CCDC149: variants seen among roughly 807,000 people sequenced by gnomAD.
CCDC149 encodes the protein coiled-coil domain-containing protein 149.
A neutral mutation model predicts 59.9 loss-of-function variants in CCDC149; 45 were observed. The observed-to-expected ratio is 0.75, with a 90% CI of 0.59 to 0.96. CCDC149 has a LOEUF of 0.96. CCDC149 is among the 40% of genes least tolerant of loss of function. The probability of loss-of-function intolerance (pLI) is 0.00; values close to 1 mark genes in which losing one functional copy is unlikely to be tolerated. For synonymous variants in CCDC149, 245 were observed against 260.6 expected (o/e 0.94, Z 0.58); for missense variants, 584 against 664.7 (o/e 0.88, Z 1.33).
At chr4:24,978,947 C>G (rs1238546088) in intron 1 of CCDC149, among the ~76,000 whole-genome samples, 1 of 151,762 alleles carries the variant, frequency 6.6e-6, no homozygotes, top group Non-Finnish European at 1.5e-5. Context: ...AAGCGGTGCA[C>G]TTTGTTCTTA....
At chr4:24,979,484 T>G (rs949473889) in intron 1 of CCDC149, among the ~76,000 whole-genome samples, 2 of 152,222 alleles carry the variant, frequency 1.3e-5, no homozygotes, top group African/African-American at 4.8e-5. Context: ...GATCAAGCCT[T>G]ACTTGAAGCC....
chr4:24,822,893 G>A (rs1715503788), intron 9 of CCDC149: 1 of 197,580 alleles, frequency 5.1e-6, no homozygotes. Flanking sequence ...TTTGAGAAAT[G>A]CTCACTGCAA....
chr4:24,977,751 G>A (rs895520642), intron 1 of CCDC149, among the ~76,000 whole-genome samples: 1 of 152,128 alleles, frequency 6.6e-6, no homozygotes, highest in Non-Finnish European at 1.5e-5. Flanking sequence ...CTGCCTGTTA[G>A]GAATATTGAC....
chr4:24,819,920 C>A lies in CCDC149; in HGVS notation c.1131G>T (p.Ser377=). The change falls in exon 12 of 13, where the codon TCG becomes TCT. Residue 377 remains serine, a synonymous_variant. Coordinates refer to ENST00000635206, the MANE Select transcript of CCDC149 (RefSeq NM_001330643.2). ...CGACAAACTTCAGCAGTGGGGATCT[C>A]GACCTCTGTCCACTAGGAAGAGTGG... 6.4e-7 allele frequency: 1 copy of A among 1,551,606 alleles called. No homozygotes were observed. The highest frequency in any genetic ancestry group is 8.7e-7 in the Non-Finnish European group (1 of 1,146,962).
Position 24,893,613 on chromosome 4 carries a change from C to CTTTTTTTTTTTTTT in CCDC149, c.64-16930_64-16917dup, listed in dbSNP as rs3066508. The stretch of plus-strand genomic sequence containing the variant: ...CTTCTAGCACAATCTAAAATACAGA[C>CTTTTTTTTTTTTTT]TTTTTTTTTTTTTTTTTTTTTGAGA... On this transcript the variant is annotated intron_variant, in intron 1 of 12. Transcript: ENST00000635206. Among the ~76,000 whole-genome samples, 115 of 65,872 alleles carry CTTTTTTTTTTTTTT rather than the reference C, an allele frequency of 1.7e-3. 26 individuals carry two copies. Among genetic ancestry groups the CTTTTTTTTTTTTTT allele is most frequent in the African/African-American group, 3.9e-3 (69 of 17,684 alleles). The allele number at this position is 65,872 out of a possible 152,430, so 43.2% of individuals were successfully genotyped here. A position where few individuals can be genotyped will look rare whatever the true frequency, so the allele number is the denominator to read the frequency against.
At chr4:24,918,107 T>C (rs1383201758) in intron 1 of CCDC149, among the ~76,000 whole-genome samples, 1 of 152,090 alleles carries the variant, frequency 6.6e-6, no homozygotes, top group Non-Finnish European at 1.5e-5. Flanking sequence ...TCCTATCTAA[T>C]TTTTGTCTTA....
At chr4:24,975,339 G>A (rs2109371477) in intron 1 of CCDC149, among the ~76,000 whole-genome samples, 1 of 144,702 alleles carries the variant, frequency 6.9e-6, no homozygotes, top group South Asian at 2.4e-4. Context: ...GGAGAAGGGG[G>A]AAGGAGAGGG....
At chr4:24,812,228 T>C (rs1178452082) in intron 12 of CCDC149, among the ~76,000 whole-genome samples, 2 of 152,236 alleles carry the variant, frequency 1.3e-5, no homozygotes, top group Non-Finnish European at 2.9e-5. Flanking sequence ...CCTGAAATCT[T>C]TGAGGGCCAA....
intron 3 of CCDC149, among the ~76,000 whole-genome samples, chr4:24,868,024 C>T (rs778287588): frequency 5.9e-5 from 9 of 152,198 alleles, no homozygotes; most frequent in Admixed American, 2.0e-4. Flanking sequence ...CAGTGCCTTC[C>T]GCTTATACAA....
intron 1 of CCDC149, among the ~76,000 whole-genome samples, chr4:24,970,473 C>A (rs1723927163): frequency 1.3e-5 from 2 of 152,154 alleles, no homozygotes; most frequent in South Asian, 4.1e-4. Flanking sequence ...GGGCTGGCTA[C>A]TGGGGGGACG....
chr4:24,897,260 G>A (rs1720898783), intron 1 of CCDC149, among the ~76,000 whole-genome samples: 1 of 152,206 alleles, frequency 6.6e-6, no homozygotes, highest in Non-Finnish European at 1.5e-5. Flanking sequence ...TGGGTGTGTG[G>A]CAGCATGCGC....
chr4:24,893,613 C>CTTATTTTTTTTTTT (rs1720656545), intron 1 of CCDC149, among the ~76,000 whole-genome samples: 1 of 65,878 alleles, frequency 1.5e-5, no homozygotes, highest in Non-Finnish European at 2.6e-5. Flanking sequence ...AAAATACAGA[C>CTTATTTTTTTTTTT]TTTTTTTTTT....
intron 4 of CCDC149, among the ~76,000 whole-genome samples, chr4:24,839,028 T>TCTCACA (rs1360482951): frequency 7.6e-6 from 1 of 132,022 alleles, no homozygotes; most frequent in African/African-American, 3.0e-5. Flanking sequence ...TCTCTCTCTC[T>TCTCACA]CACACACACA....
chr4:24,964,192 T>TAAAAAAAAAA (rs377278394), intron 1 of CCDC149, among the ~76,000 whole-genome samples: 12 of 119,178 alleles, frequency 1.0e-4, no homozygotes, highest in South Asian at 6.1e-4. Context: ...AGACCCTATC[T>TAAAAAAAAAA]AAAAAAAAAA....
At chr4:24,815,633 G>GT (rs1054450564) in intron 12 of CCDC149, among the ~76,000 whole-genome samples, 14 of 152,182 alleles carry the variant, frequency 9.2e-5, no homozygotes, top group African/African-American at 3.4e-4. Flanking sequence ...TCTGTGGTGT[G>GT]TTTTTACTGT....
chr4:24,917,450 G>A (rs140417380), upstream of CCDC149, among the ~76,000 whole-genome samples: 25 of 152,324 alleles, frequency 1.6e-4, no homozygotes, highest in East Asian at 2.9e-3. Context: ...TGGCTTGGGC[G>A]TTGTGGGAGA....
chr4:24,888,851 T>C (rs534680869), intron 1 of CCDC149, among the ~76,000 whole-genome samples: 32 of 152,350 alleles, frequency 2.1e-4, no homozygotes, highest in African/African-American at 6.7e-4. Context: ...CTGTAATTTT[T>C]AGATAACATT....
At chr4:24,825,964 T>C (rs1375688019) in intron 9 of CCDC149, among the ~76,000 whole-genome samples, 1 of 151,950 alleles carries the variant, frequency 6.6e-6, no homozygotes, top group African/African-American at 2.4e-5. Context: ...TGTTTTGTTT[T>C]GTTTTTTAAG....
chr4:24,924,319 G>A (rs954345090), intron 1 of CCDC149, among the ~76,000 whole-genome samples: 8 of 151,808 alleles, frequency 5.3e-5, no homozygotes, highest in African/African-American at 1.9e-4. Flanking sequence ...AACCAAATGA[G>A]GTCCATGACT....
Sources: allele counts gnomAD v4.1 joint callset (sites outside exome capture counted in the v4.1 genomes callset), GRCh38; gene constraint gnomAD v4.1.1; transcripts MANE v1.5; gene names NCBI Gene and HGNC (gene_info 2026-07-23, HGNC 2026-07-21).